SPAG16: variants seen among roughly 807,000 people sequenced by gnomAD.
The protein encoded by SPAG16 is sperm associated antigen 16, also known as sperm-associated antigen 16 protein.
In SPAG16, 86 loss-of-function variants were observed where a neutral mutation model predicts 80.4. The observed-to-expected ratio is 1.07, with a 90% CI of 0.90 to 1.28. The LOEUF is 1.28. Ranked by LOEUF, SPAG16 falls within the 50% of genes most tolerant of loss-of-function variation. The pLI, the probability that SPAG16 is intolerant of heterozygous loss-of-function variation, is 0.00. For synonymous variants in SPAG16, 294 were observed against 265.9 expected, an observed-to-expected ratio of 1.11 and a Z score of -1.03; for missense variants, 870 against 765.3, an observed-to-expected ratio of 1.14 and a Z score of -1.61.
intron 11 of SPAG16, among the ~76,000 whole-genome samples, chr2:213,914,486 A>G (rs1414540271): frequency 6.6e-6 from 1 of 152,080 alleles, no homozygotes. Flanking sequence ...TTATTCTATC[A>G]TATATATAGT....
chr2:213,757,506 T>TG (rs1324226947), intron 10 of SPAG16, among the ~76,000 whole-genome samples: 1 of 152,146 alleles, frequency 6.6e-6, no homozygotes, highest in Non-Finnish European at 1.5e-5. Context: ...AGAAATATGG[T>TG]GGAGTAGGAA....
intron 15 of SPAG16, among the ~76,000 whole-genome samples, chr2:214,382,325 A>T (rs1360895492): frequency 6.6e-6 from 1 of 152,240 alleles, no homozygotes; most frequent in Non-Finnish European, 1.5e-5. Flanking sequence ...TGTTAACATA[A>T]CTTCACTGTG....
chr2:214,006,560 T>C (rs967990103), intron 12 of SPAG16, among the ~76,000 whole-genome samples: 1 of 152,214 alleles, frequency 6.6e-6, no homozygotes, highest in African/African-American at 2.4e-5. Context: ...AGCTATTGCT[T>C]GTGAACTTCT....
At chr2:213,819,596 G>A (rs2072801075) in intron 10 of SPAG16, among the ~76,000 whole-genome samples, 1 of 151,954 alleles carries the variant, frequency 6.6e-6, no homozygotes, top group South Asian at 2.1e-4. Context: ...CCAGGCTAAA[G>A]TGCAATGGCA....
rs1313590996 is a variant in SPAG16 at position 213,917,846 on chromosome 2, G to C, written c.1215-12114G>C. ...GATGGTGAAGAAGGCATACTTGACT[G>C]GTGCTGGTTTTCAAAGGGAAGACTT... On this transcript the variant is annotated intron_variant, in intron 11 of 15. Coordinates refer to ENST00000331683, the MANE Select transcript of SPAG16 (RefSeq NM_024532.5). Among the ~76,000 whole-genome samples, 3 of 152,122 alleles carry C rather than the reference G, an allele frequency of 2.0e-5. No homozygotes were observed. The East Asian group carries it at 5.8e-4, about 29-fold the overall frequency.
intron 10 of SPAG16, among the ~76,000 whole-genome samples, chr2:213,498,640 T>C (rs971499875): frequency 8.5e-5 from 13 of 152,150 alleles, no homozygotes; most frequent in African/African-American, 3.1e-4. Context: ...AACTTGCATG[T>C]CTTGTGAGCA....
chr2:213,914,242 A>G (rs1229895593), intron 11 of SPAG16, among the ~76,000 whole-genome samples: 1 of 152,160 alleles, frequency 6.6e-6, no homozygotes, highest in African/African-American at 2.4e-5. Flanking sequence ...AACTATAGAA[A>G]GTTCATTGCA....
In SPAG16 at chr2:214,226,918, A is replaced by G. The variant is rs1392367451; in HGVS notation, c.1720+77652A>G. 3.9e-5 allele frequency among the ~76,000 whole-genome samples: 6 copies of G among 152,072 alleles called. No homozygotes were observed. In the East Asian group the frequency reaches 9.7e-4, roughly 25 times the overall value. On this transcript the variant is annotated intron_variant, in intron 15 of 15. Coordinates refer to ENST00000331683, the MANE Select transcript of SPAG16 (RefSeq NM_024532.5). Reference sequence around the variant, plus strand: ...TGATATCTTATACTTTTTCTCTTTTATTGACATCAGACAACAGCTAAATTG... The same window carrying G: ...TGATATCTTATACTTTTTCTCTTTTGTTGACATCAGACAACAGCTAAATTG...
At chr2:213,517,118 A>C (rs932523870) in intron 10 of SPAG16, among the ~76,000 whole-genome samples, 5 of 152,196 alleles carry the variant, frequency 3.3e-5, no homozygotes, top group Non-Finnish European at 7.4e-5. Flanking sequence ...GGAAGATTTC[A>C]GGACCCAAAA....
chr2:214,145,948 G>A (rs1373363044), intron 14 of SPAG16, among the ~76,000 whole-genome samples: 1 of 151,970 alleles, frequency 6.6e-6, no homozygotes, highest in Admixed American at 6.6e-5. Flanking sequence ...AACAATCATA[G>A]CTCTCAATCT....
At chr2:213,995,423 T>A (rs1198338647) in intron 12 of SPAG16, among the ~76,000 whole-genome samples, 1 of 152,216 alleles carries the variant, frequency 6.6e-6, no homozygotes, top group Non-Finnish European at 1.5e-5. Context: ...CTTCTTGCCA[T>A]GAATAGCATA....
intron 9 of SPAG16, among the ~76,000 whole-genome samples, chr2:213,480,792 A>G (rs533486354): frequency 4.6e-5 from 7 of 152,332 alleles, no homozygotes; most frequent in Admixed American, 6.5e-5. Context: ...TGTTAAACAG[A>G]AGTTATAATT....
chr2:214,161,900 G>T (rs181277680), intron 15 of SPAG16, among the ~76,000 whole-genome samples: 116 of 152,112 alleles, frequency 7.6e-4, no homozygotes, highest in Non-Finnish European at 1.4e-3. Context: ...AAACTATTTT[G>T]TTTGTCTTTG....
In SPAG16 at chr2:213,857,689, G is replaced by A. The variant is rs182308965; in HGVS notation, c.1071-4796G>A. ...TGACAGAACATCAATTCTGCTTCCC[G>A]TGGGTCAATGAGTAATTTCAACTTT... On this transcript the variant is annotated intron_variant, in intron 10 of 15. Coordinates refer to ENST00000331683, the MANE Select transcript of SPAG16 (RefSeq NM_024532.5). Among the ~76,000 whole-genome samples, 962 of 152,262 alleles carry A rather than the reference G, an allele frequency of 6.3e-3. 6 individuals are homozygous for A. Among genetic ancestry groups the A allele is most frequent in the Non-Finnish European group, 8.9e-3 (604 of 68,016 alleles).
At chr2:213,891,392 C>A (rs2076781013) in intron 11 of SPAG16, among the ~76,000 whole-genome samples, 1 of 152,002 alleles carries the variant, frequency 6.6e-6, no homozygotes, top group African/African-American at 2.4e-5. Context: ...GAGATACCAA[C>A]CATAATACCT....
chr2:213,804,669 C>T (rs1178416861), intron 10 of SPAG16, among the ~76,000 whole-genome samples: 1 of 151,010 alleles, frequency 6.6e-6, no homozygotes, highest in African/African-American at 2.4e-5. Context: ...GGCGACAGAG[C>T]GAGACTCCGT....
chr2:214,118,282 G>C (rs2125445453), intron 14 of SPAG16, among the ~76,000 whole-genome samples: 1 of 152,208 alleles, frequency 6.6e-6, no homozygotes, highest in South Asian at 2.1e-4. Flanking sequence ...ACAAAAACAT[G>C]AAATGTCTCT....
chr2:213,719,055 C>G (rs1261012485), intron 10 of SPAG16, among the ~76,000 whole-genome samples: 1 of 152,030 alleles, frequency 6.6e-6, no homozygotes, highest in Non-Finnish European at 1.5e-5. Context: ...GTGCACCAGG[C>G]GACACTCGGT....
intron 15 of SPAG16, among the ~76,000 whole-genome samples, chr2:214,329,161 C>G (rs887140326): frequency 2.0e-5 from 3 of 152,212 alleles, no homozygotes; most frequent in Admixed American, 6.5e-5. Context: ...ACAAAGCTGT[C>G]TTTGAAGCTG....
Sources: gnomAD v4.1 joint callset for allele counts (sites outside exome capture counted in the v4.1 genomes callset) on GRCh38, gnomAD v4.1.1 for gene constraint, MANE v1.5 for transcripts, NCBI Gene and HGNC (gene_info 2026-07-23, HGNC 2026-07-21) for gene names.